Variants in PTPRD observed in about 807,000 individuals in gnomAD.
The protein encoded by PTPRD is receptor-type tyrosine-protein phosphatase delta.
A neutral mutation model predicts 214.5 loss-of-function variants in PTPRD; 34 were observed. That is an observed-to-expected ratio of 0.16 (90% CI 0.12 to 0.21). PTPRD has a LOEUF of 0.21. Ranked by LOEUF, PTPRD falls within the 10% of genes least tolerant of loss-of-function variation. PTPRD has a pLI of 1.00. For missense variants in PTPRD, 2,545 were observed against 2,398.7 expected (o/e 1.06, Z -1.27); for synonymous variants, 1,128 against 845.7 (o/e 1.33, Z -5.79).
At chr9:10,113,799 C>T (rs1260722198) in intron 3 of PTPRD, among the ~76,000 whole-genome samples, 1 of 152,186 alleles carries the variant, frequency 6.6e-6, no homozygotes, top group Non-Finnish European at 1.5e-5. Context: ...GCCTGTGATT[C>T]TGCATTTCTA....
chr9:10,511,942 ATATACGTG>A (rs1566640076), intron 2 of PTPRD, among the ~76,000 whole-genome samples: 2 of 96,170 alleles, frequency 2.1e-5, no homozygotes, highest in African/African-American at 8.5e-5. Flanking sequence ...GTGTATATAT[ATATACGTG>A]TGTGTATATA....
intron 9 of PTPRD, among the ~76,000 whole-genome samples, chr9:9,203,804 G>C (rs890142517): frequency 6.6e-6 from 1 of 152,088 alleles, no homozygotes. Flanking sequence ...CAAAGAAAAA[G>C]GTCTTAGGAA....
intron 23 of PTPRD, 47 bp downstream of exon 23, chr9:8,504,214 C>G (rs764733777): frequency 6.2e-7 from 1 of 1,603,282 alleles, no homozygotes; most frequent in Admixed American, 1.7e-5. Flanking sequence ...AGCAACATCT[C>G]CCCGAGGAAA....
At chr9:8,409,865 C>T (rs940624084) in intron 35 of PTPRD, among the ~76,000 whole-genome samples, 15 of 152,178 alleles carry the variant, frequency 9.9e-5, no homozygotes, top group African/African-American at 3.4e-4. Context: ...TTACTTCACT[C>T]GTCAAACCAT....
intron 5 of PTPRD, among the ~76,000 whole-genome samples, chr9:9,842,585 G>A (rs962660934): frequency 3.3e-5 from 5 of 151,612 alleles, no homozygotes; most frequent in Admixed American, 2.0e-4. Flanking sequence ...TAGTATCGTT[G>A]TTAAAACCTG....
intron 9 of PTPRD, among the ~76,000 whole-genome samples, chr9:9,384,552 T>A (rs1041224928): frequency 2.6e-5 from 4 of 151,630 alleles, no homozygotes; most frequent in Non-Finnish European, 5.9e-5. Flanking sequence ...TTCATGGTCT[T>A]GGCACTTGTA....
In PTPRD at chr9:9,089,707, G is replaced by C. The variant is rs139589419; in HGVS notation, c.-142-70972C>G. On this transcript the variant is annotated intron_variant, in intron 10 of 45. Coordinates refer to ENST00000381196, the MANE Select transcript of PTPRD (RefSeq NM_002839.4). ...GTTGATTTTGAGATTTTATAATGCAGAGTAAGAACGAAGGGTTGGTGTAGA... is the reference window on the plus strand; with the variant it reads ...GTTGATTTTGAGATTTTATAATGCACAGTAAGAACGAAGGGTTGGTGTAGA... Among the ~76,000 whole-genome samples, 3 of 152,220 alleles carry C rather than the reference G, an allele frequency of 2.0e-5. No individual in the cohort carries two copies. The East Asian group carries it at 5.8e-4, about 29-fold the overall frequency.
At chr9:9,104,864 T>C (rs959705932) in intron 10 of PTPRD, among the ~76,000 whole-genome samples, 2 of 152,156 alleles carry the variant, frequency 1.3e-5, no homozygotes, top group Non-Finnish European at 2.9e-5. Context: ...GAATTGATAA[T>C]AGCCACGAGT....
intron 5 of PTPRD, among the ~76,000 whole-genome samples, chr9:9,772,172 C>T (rs2821508): frequency 0.14 from 21,836 of 151,876 alleles, 2,191 homozygotes; most frequent in African/African-American, 0.28. Flanking sequence ...GAGGAGGATG[C>T]TAGAACACAG....
At chr9:10,121,547 T>C (rs1284409009) in intron 3 of PTPRD, among the ~76,000 whole-genome samples, 1 of 152,124 alleles carries the variant, frequency 6.6e-6, no homozygotes, top group Non-Finnish European at 1.5e-5. Flanking sequence ...AGGAGGAAAT[T>C]TACAGCCTAT....
rs574723425 is a variant in PTPRD, at chr9:9,090,787, C to T, written c.-142-72052G>A. 484 of 670,842 alleles carry T rather than the reference C, an allele frequency of 7.2e-4. 10 individuals are homozygous for T. The South Asian group carries it at 7.6e-3, about 11-fold the overall frequency. 41.6% of individuals were successfully genotyped at this position (670,842 alleles called of 1,614,324 possible). ...AGTTGCATCCTCTTTAGCTGAGTTG[C>T]TGCATTCTTCAAATAACTCTTAATG... On this transcript the variant is annotated intron_variant, in intron 10 of 45. Coordinates refer to ENST00000381196, the MANE Select transcript of PTPRD (RefSeq NM_002839.4).
chr9:9,630,353 C>A (rs2095551560), intron 7 of PTPRD, among the ~76,000 whole-genome samples: 1 of 152,026 alleles, frequency 6.6e-6, no homozygotes, highest in South Asian at 2.1e-4. Flanking sequence ...TCCTGATTTC[C>A]CCTCTCATTA....
At chr9:10,314,410 G>C (rs1434628316) in intron 3 of PTPRD, among the ~76,000 whole-genome samples, 1 of 151,912 alleles carries the variant, frequency 6.6e-6, no homozygotes, top group Non-Finnish European at 1.5e-5. Flanking sequence ...TTTGAATCTT[G>C]ATGAAAAGAA....
At chr9:10,482,651 G>T (rs183116230) in intron 2 of PTPRD, among the ~76,000 whole-genome samples, 4 of 152,124 alleles carry the variant, frequency 2.6e-5, no homozygotes, top group South Asian at 4.2e-4. Context: ...TAAACCAGTA[G>T]CACTGTTATA....
chr9:9,948,085 A>C (rs1409153061), intron 4 of PTPRD, among the ~76,000 whole-genome samples: 1 of 152,028 alleles, frequency 6.6e-6, no homozygotes, highest in Non-Finnish European at 1.5e-5. Context: ...TCAGAACATG[A>C]AGAGTAGTCA....
Position 8,329,781 on chromosome 9 carries a change from G to C in PTPRD, c.5534+1801C>G, listed in dbSNP as rs558590210. ...AGCTGCAGTGGACTCAGCCCTGTTTGAACTTCCTGCTGGCTTTGTTTACAC... is the reference window on the plus strand; with the variant it reads ...AGCTGCAGTGGACTCAGCCCTGTTTCAACTTCCTGCTGGCTTTGTTTACAC... On this transcript the variant is annotated intron_variant, in intron 44 of 45. Coordinates refer to ENST00000381196, the MANE Select transcript of PTPRD (RefSeq NM_002839.4). Among the ~76,000 whole-genome samples, 9 of 152,216 alleles carry C rather than the reference G, an allele frequency of 5.9e-5. No individual in the cohort carries two copies. In the East Asian group the frequency reaches 1.6e-3, roughly 26 times the overall value.
intron 9 of PTPRD, among the ~76,000 whole-genome samples, chr9:9,379,706 C>A (rs2061668928): frequency 6.6e-6 from 1 of 151,810 alleles, no homozygotes; most frequent in Admixed American, 6.6e-5. Flanking sequence ...CCTTTGACTT[C>A]TTTTGTTATA....
intron 10 of PTPRD, among the ~76,000 whole-genome samples, chr9:9,047,275 T>C (rs758499958): frequency 1.9e-4 from 29 of 151,858 alleles, no homozygotes; most frequent in Non-Finnish European, 2.8e-4. Context: ...AATGAAAAAA[T>C]ATTCCATGTT....
intron 10 of PTPRD, among the ~76,000 whole-genome samples, chr9:9,109,949 G>A (rs1159020961): frequency 2.0e-5 from 3 of 151,910 alleles, no homozygotes; most frequent in Admixed American, 2.0e-4. Flanking sequence ...AGGGACAGAG[G>A]AAAAGCAATA....
Sources: gnomAD v4.1 joint callset for allele counts (sites outside exome capture counted in the v4.1 genomes callset) on GRCh38, gnomAD v4.1.1 for gene constraint, MANE v1.5 for transcripts, NCBI Gene and HGNC (gene_info 2026-07-23, HGNC 2026-07-21) for gene names.